GRB10: variants seen among roughly 807,000 people sequenced by gnomAD.
GRB10 encodes the protein growth factor receptor-bound protein 10.
A neutral mutation model predicts 80.9 loss-of-function variants in GRB10; 20 were observed. The ratio of observed to expected loss-of-function variants is 0.25; its 90% CI spans 0.17 to 0.36. The LOEUF is 0.36. Ranked by LOEUF, GRB10 falls within the 10% of genes least tolerant of loss-of-function variation. The pLI, the probability that GRB10 is intolerant of heterozygous loss-of-function variation, is 1.00. For missense variants in GRB10, 548 were observed against 747.7 expected, an observed-to-expected ratio of 0.73 and a Z score of 3.12; for synonymous variants, 291 against 291.5, an observed-to-expected ratio of 1.00 and a Z score of 0.02.
intron 3 of GRB10, among the ~76,000 whole-genome samples, chr7:50,749,891 C>A (rs1587832525): frequency 6.6e-6 from 1 of 152,224 alleles, no homozygotes; most frequent in Non-Finnish European, 1.5e-5. Context: ...ACAGTTTGTA[C>A]TTATCATAAA....
chr7:50,618,217 T>C, intron 9 of GRB10, 78 bp from the exon 10 acceptor site: 1 of 1,065,276 alleles, frequency 9.4e-7, no homozygotes. Context: ...GATATGTCAA[T>C]TTTAAAACTA....
rs762633448 is a variant in GRB10, at chr7:50,593,011, G to A, written c.1726C>T (p.Leu576=). The part of the protein sequence containing the change: ...DLIQLVDFYQ[L]NKGVLPCKLK... ...TTGCAAGGCAGGACTCCTTTGTTCA[G>A]CTGGTAAAAGTCAACCAGCTGGATC... is the stretch of plus-strand genomic sequence containing the variant. The change falls in exon 19 of 19, where the codon CTG becomes TTG. Residue 576 remains leucine, a synonymous_variant. Coordinates refer to ENST00000401949, the MANE Select transcript of GRB10 (RefSeq NM_001350814.2). 10 of 1,614,100 alleles carry A rather than the reference G, an allele frequency of 6.2e-6. No individual in the cohort carries two copies. The African/African-American group carries it at 1.3e-4, about 22-fold the overall frequency.
At chr7:50,786,288 G>C (rs756315720), upstream of GRB10, among the ~76,000 whole-genome samples, 50 of 152,204 alleles carry the variant, frequency 3.3e-4, 1 homozygote, top group Middle Eastern at 6.8e-3. Context: ...CCTAGAAAGA[G>C]AGAAGAGGAA....
In GRB10 at chr7:50,669,766, G is replaced by T; in HGVS notation, c.460C>A (p.Leu154Ile). ...CTCGGAGGTAAAGAACCCGGCGTGA[G>T]CACAGGGGGGCTCCCAGGGCCACAG... Reference protein sequence around the residue: ...ELCGPGSPPVLTPGSLPPSQA... With the variant: ...ELCGPGSPPVITPGSLPPSQA... The change falls in exon 7 of 19, where the codon CTC (leucine) becomes ATC (isoleucine). Residue 154 changes from leucine to isoleucine, a missense_variant. This residue lies in a region of GRB10 where 245 missense variants were observed against 229.3 expected (regional missense o/e 1.07). Coordinates refer to ENST00000401949, the MANE Select transcript of GRB10 (RefSeq NM_001350814.2). 1 of 1,613,934 alleles carries T rather than the reference G, an allele frequency of 6.2e-7. No individual in the cohort carries two copies. Among genetic ancestry groups the T allele is most frequent in the Non-Finnish European group, 8.5e-7 (1 of 1,180,000 alleles).
At chr7:50,654,648 C>CA (rs1243270669) in intron 7 of GRB10, among the ~76,000 whole-genome samples, 6 of 152,058 alleles carry the variant, frequency 3.9e-5, no homozygotes, top group African/African-American at 7.2e-5. Flanking sequence ...AGCATTTTTA[C>CA]AAAAAATGTG....
intron 3 of GRB10, among the ~76,000 whole-genome samples, chr7:50,752,589 T>C (rs992191358): frequency 3.3e-5 from 5 of 152,100 alleles, no homozygotes; most frequent in African/African-American, 9.7e-5. Flanking sequence ...CTAAGGTAGA[T>C]TGGTGTCATG....
chr7:50,683,610 AC>A (rs1378066674), intron 5 of GRB10, among the ~76,000 whole-genome samples: 1 of 152,024 alleles, frequency 6.6e-6, no homozygotes, highest in African/African-American at 2.4e-5. Context: ...GGTGGTGTGC[AC>A]CTGTAATCCC....
At chr7:50,656,402 G>A (rs562459546) in intron 7 of GRB10, among the ~76,000 whole-genome samples, 26 of 152,308 alleles carry the variant, frequency 1.7e-4, no homozygotes, top group African/African-American at 6.3e-4. Context: ...ATACATGCTG[G>A]AGATCTCTAA....
intron 3 of GRB10, among the ~76,000 whole-genome samples, chr7:50,745,910 T>G (rs1020989964): frequency 3.3e-5 from 5 of 152,182 alleles, no homozygotes; most frequent in African/African-American, 1.2e-4. Flanking sequence ...CTGGCTAAAT[T>G]AGGAAATACT....
At chr7:50,763,028 GA>G (rs2075930361) in intron 2 of GRB10, among the ~76,000 whole-genome samples, 1 of 151,722 alleles carries the variant, frequency 6.6e-6, no homozygotes, top group Non-Finnish European at 1.5e-5. Flanking sequence ...TGAGGCAGGA[GA>G]ATGGCATGAA....
At chr7:50,740,274 C>A (rs968214429) in intron 3 of GRB10, among the ~76,000 whole-genome samples, 1 of 152,174 alleles carries the variant, frequency 6.6e-6, no homozygotes, top group Admixed American at 6.5e-5. Flanking sequence ...CCTGGTGTAT[C>A]TTCTCCATGG....
At chr7:50,659,017 T>C (rs943884559) in intron 7 of GRB10, among the ~76,000 whole-genome samples, 2 of 152,172 alleles carry the variant, frequency 1.3e-5, no homozygotes, top group Non-Finnish European at 2.9e-5. Context: ...TTCACCATTT[T>C]AAAAATAATC....
chr7:50,679,409 C>G (rs1179888740), intron 5 of GRB10, among the ~76,000 whole-genome samples: 1 of 152,218 alleles, frequency 6.6e-6, no homozygotes, highest in African/African-American at 2.4e-5. Context: ...CTAGCACCAT[C>G]TCACCACCTT....
chr7:50,762,355 AAAG>A (rs1199280488), intron 2 of GRB10, among the ~76,000 whole-genome samples: 1 of 151,460 alleles, frequency 6.6e-6, no homozygotes, highest in African/African-American at 2.4e-5. Flanking sequence ...GAGGAAGCCA[AAAG>A]AAGATCAGAA....
At chr7:50,679,567 C>A (rs747888515) in intron 5 of GRB10, among the ~76,000 whole-genome samples, 1 of 151,942 alleles carries the variant, frequency 6.6e-6, no homozygotes, top group Non-Finnish European at 1.5e-5. Flanking sequence ...GTGTCCATTA[C>A]GATCCCTTCT....
chr7:50,786,799 G>C (rs1007083696), upstream of GRB10, among the ~76,000 whole-genome samples: 1 of 152,196 alleles, frequency 6.6e-6, no homozygotes, highest in African/African-American at 2.4e-5. Context: ...AGATCCAAGA[G>C]AAAGGCAAAG....
intron 3 of GRB10, among the ~76,000 whole-genome samples, chr7:50,747,255 G>A (rs553151222): frequency 1.3e-5 from 2 of 152,296 alleles, no homozygotes; most frequent in East Asian, 3.9e-4. Context: ...GCCCAGGCGC[G>A]GTAGCTGAAC....
intron 8 of GRB10, 63 bp from the exon 9 acceptor site, chr7:50,619,348 C>T: frequency 3.2e-6 from 3 of 925,830 alleles, no homozygotes; most frequent in East Asian, 2.4e-5. Flanking sequence ...AGCTTTACAA[C>T]CAAATGGAAG....
At chr7:50,608,311 C>A (rs2048894939) in intron 13 of GRB10, among the ~76,000 whole-genome samples, 1 of 152,150 alleles carries the variant, frequency 6.6e-6, no homozygotes, top group Non-Finnish European at 1.5e-5. Context: ...GAAGACAATG[C>A]AGTGGGAAGA....
Sources: allele counts gnomAD v4.1 joint callset (sites outside exome capture counted in the v4.1 genomes callset), GRCh38; gene constraint gnomAD v4.1.1; regional missense constraint gnomAD v4.1.1; transcripts MANE v1.5; gene names NCBI Gene and HGNC (gene_info 2026-07-23, HGNC 2026-07-21).